Variants in EPHA10 observed in about 807,000 individuals in gnomAD.
EPHA10 encodes the protein EPH receptor A10, also known as ephrin type-A receptor 10.
Under a neutral mutation model 109.7 loss-of-function variants are expected in EPHA10, and 120 were observed. That is an observed-to-expected ratio of 1.09 (90% confidence interval 0.94 to 1.27). The LOEUF (loss-of-function observed/expected upper bound fraction) is 1.27, where lower values mean the gene tolerates loss of function less well. EPHA10 is among the 50% of genes most tolerant of loss of function. The pLI, the probability that EPHA10 is intolerant of heterozygous loss-of-function variation, is 0.00. For synonymous variants in EPHA10, 640 were observed against 618.9 expected, an observed-to-expected ratio of 1.03 and a Z score of -0.51; for missense variants, 1,396 against 1,411.1, an observed-to-expected ratio of 0.99 and a Z score of 0.17.
chr1:37,741,608 A>G (rs77532334), intron 5 of EPHA10, among the ~76,000 whole-genome samples: 1,604 of 152,314 alleles, frequency 0.011, 77 homozygotes, highest in Admixed American at 0.077. Context: ...AGAGTGGCAC[A>G]TTTCTACTTA....
intron 5 of EPHA10, among the ~76,000 whole-genome samples, chr1:37,750,279 C>T (rs1646302972): frequency 6.6e-6 from 1 of 151,944 alleles, no homozygotes; most frequent in Admixed American, 6.6e-5. Flanking sequence ...AACCTTTTCA[C>T]GTTGGCAAAA....
chr1:37,726,448 GCC>G (rs1645893240), intron 8 of EPHA10, among the ~76,000 whole-genome samples: 1 of 152,218 alleles, frequency 6.6e-6, no homozygotes, highest in African/African-American at 2.4e-5. Flanking sequence ...TCCCCAGCCC[GCC>G]CAGCCTGGGA....
chr1:37,730,701 T>C (rs1248396401), intron 7 of EPHA10, among the ~76,000 whole-genome samples: 1 of 151,400 alleles, frequency 6.6e-6, no homozygotes, highest in African/African-American at 2.4e-5. Context: ...CAATCCTTCT[T>C]TTTTTTTTGA....
intron 6 of EPHA10, 91 bp downstream of exon 6, chr1:37,735,166 G>C: frequency 2.0e-6 from 3 of 1,502,450 alleles, no homozygotes; most frequent in Non-Finnish European, 2.7e-6. Context: ...GGAGTAACGA[G>C]GGCTTTTGCT....
Position 37,716,476 on chromosome 1 carries a change from A to C in EPHA10, c.*1896T>G, listed in dbSNP as rs2279347. The C allele has an allele frequency of 1.2e-4, 28 of 232,978 alleles. No homozygotes were observed. Among genetic ancestry groups the C allele is most frequent in the Middle Eastern group, 2.6e-3 (2 of 782 alleles). The allele number at this position is 232,978 out of a possible 1,614,324, so 14.4% of individuals were successfully genotyped here. A position where few individuals can be genotyped will look rare whatever the true frequency, so the allele number is the denominator to read the frequency against. On this transcript the variant is annotated 3_prime_UTR_variant, in exon 17 of 17. Coordinates refer to ENST00000373048, the MANE Select transcript of EPHA10 (RefSeq NM_001099439.2). ...CCGGGGGCTCCCCCAACCCTGACTA[A>C]GGTGGTAGCAACATCTTGGTCTCCC...
downstream of EPHA10, among the ~76,000 whole-genome samples, chr1:37,714,328 A>AGT (rs922430728): frequency 6.6e-6 from 1 of 152,182 alleles, no homozygotes; most frequent in African/African-American, 2.4e-5. Flanking sequence ...ATGTGGTCCA[A>AGT]GTGTGTGTGT....
At chr1:37,755,328 GCA>G (rs10623323) in intron 3 of EPHA10, among the ~76,000 whole-genome samples, 7 of 147,526 alleles carry the variant, frequency 4.7e-5, no homozygotes, top group African/African-American at 1.0e-4. Flanking sequence ...AAGCATACAT[GCA>G]CACACACACA....
intron 5 of EPHA10, among the ~76,000 whole-genome samples, chr1:37,749,411 G>A (rs1009005449): frequency 2.0e-5 from 3 of 151,690 alleles, no homozygotes; most frequent in Admixed American, 6.6e-5. Flanking sequence ...GGTGGCTCAC[G>A]CCTGTAATCC....
intron 5 of EPHA10, among the ~76,000 whole-genome samples, chr1:37,739,582 G>C (rs1237794806): frequency 6.6e-6 from 1 of 151,444 alleles, no homozygotes; most frequent in African/African-American, 2.4e-5. Context: ...TCAGCTACTT[G>C]GGAGGCTGAG....
At chr1:37,724,157 T>C (rs923140396) in intron 8 of EPHA10, among the ~76,000 whole-genome samples, 1 of 152,016 alleles carries the variant, frequency 6.6e-6, no homozygotes, top group Non-Finnish European at 1.5e-5. Context: ...AACATGGGCA[T>C]GGAGAGAGGC....
intron 14 of EPHA10, 124 bp from the exon 15 acceptor site, chr1:37,719,731 G>C (rs991721572): frequency 6.0e-6 from 8 of 1,341,478 alleles, no homozygotes; most frequent in East Asian, 2.4e-5. Flanking sequence ...CACAGACACA[G>C]ACACACACAC....
chr1:37,718,309 C>T lies in EPHA10; in HGVS notation c.*63G>A, dbSNP rs533486894. 7.1e-7 allele frequency: 1 copy of T among 1,414,592 alleles called. No individual in the cohort carries two copies. The highest frequency in any genetic ancestry group is 1.3e-5 in the South Asian group (1 of 76,432). The allele number at this position is 1,414,592 out of a possible 1,614,324, so 87.6% of individuals were successfully genotyped here. On this transcript the variant is annotated 3_prime_UTR_variant, in exon 17 of 17. Coordinates refer to ENST00000373048, the MANE Select transcript of EPHA10 (RefSeq NM_001099439.2). ...CTGCTGGAGCGCAGCTTGCCACGGT[C>T]CTTGGGCAGGGCTGGGGGACTGGAC...
chr1:37,718,016 G>A lies in EPHA10; in HGVS notation c.*356C>T. 1 of 323,260 alleles carries A rather than the reference G, an allele frequency of 3.1e-6. No individual in the cohort carries two copies. Among genetic ancestry groups the A allele is most frequent in the South Asian group, 6.1e-5 (1 of 16,314 alleles). The allele number at this position is 323,260 out of a possible 1,614,324, so 20.0% of individuals were successfully genotyped here. On this transcript the variant is annotated 3_prime_UTR_variant, in exon 17 of 17. Transcript: ENST00000373048. ...CGGGGTAGGCCCCAGCCCCCAGTGG[G>A]TACAAATGGCAGTAGGGCATGAGCC...
intron 3 of EPHA10, 160 bp downstream of exon 3, chr1:37,761,245 A>C: frequency 6.7e-7 from 1 of 1,498,834 alleles, no homozygotes; most frequent in Non-Finnish European, 8.8e-7. Context: ...GACTCACTGG[A>C]AACTCCACAA....
intron 13 of EPHA10, 81 bp downstream of exon 13, chr1:37,720,270 T>C: frequency 6.8e-7 from 1 of 1,468,426 alleles, no homozygotes; most frequent in African/African-American, 1.4e-5. Context: ...GGGAAAGGAG[T>C]AGAAGTGGGG....
intron 3 of EPHA10, among the ~76,000 whole-genome samples, chr1:37,755,269 G>A (rs972918866): frequency 1.3e-5 from 2 of 152,122 alleles, no homozygotes; most frequent in Admixed American, 6.5e-5. Context: ...AGAGAGGGGA[G>A]GAGAGGTGCC....
intron 6 of EPHA10, among the ~76,000 whole-genome samples, chr1:37,732,860 GTTCTTTT>G (rs1646008007): frequency 5.0e-4 from 13 of 25,816 alleles, no homozygotes; most frequent in African/African-American, 1.2e-3. Context: ...TTTTATACTT[GTTCTTTT>G]TTTTTTTTTT....
intron 7 of EPHA10, among the ~76,000 whole-genome samples, chr1:37,729,918 C>T (rs537336453): frequency 6.6e-6 from 1 of 151,884 alleles, no homozygotes; most frequent in African/African-American, 2.4e-5. Context: ...TCATGGGAAA[C>T]CACACTCTGC....
At chr1:37,734,528 C>T (rs1265065284) in intron 6 of EPHA10, 66 of 415,282 alleles carry the variant, frequency 1.6e-4, no homozygotes, top group South Asian at 1.2e-3. Flanking sequence ...GAATGAAACT[C>T]TGTCTCAAAA....
Sources: allele counts gnomAD v4.1 joint callset (sites outside exome capture counted in the v4.1 genomes callset), GRCh38; gene constraint gnomAD v4.1.1; transcripts MANE v1.5; gene names NCBI Gene and HGNC (gene_info 2026-07-23, HGNC 2026-07-21).